ARHGAP10: variants seen among roughly 807,000 people sequenced by gnomAD.
The protein encoded by ARHGAP10 is rho GTPase-activating protein 10.
A neutral mutation model predicts 108.6 loss-of-function variants in ARHGAP10; 87 were observed. The ratio of observed to expected loss-of-function variants is 0.80; its 90% CI spans 0.67 to 0.96. The LOEUF (loss-of-function observed/expected upper bound fraction) is 0.96. Among genes scored for constraint, ARHGAP10 ranks in the 40% least tolerant of loss-of-function variants. The pLI is 0.00. For missense variants in ARHGAP10, 939 were observed against 954.5 expected, an observed-to-expected ratio of 0.98 and a Z score of 0.21; for synonymous variants, 347 against 341.1, an observed-to-expected ratio of 1.02 and a Z score of -0.19.
At chr4:147,822,183 A>G (rs779796124) in intron 1 of ARHGAP10, among the ~76,000 whole-genome samples, 8 of 152,230 alleles carry the variant, frequency 5.3e-5, no homozygotes, top group Non-Finnish European at 8.8e-5. Flanking sequence ...CTTGGCCTTC[A>G]GTTACTTCTC....
In ARHGAP10 at chr4:147,872,481, G is replaced by T. The variant is rs373590665; in HGVS notation, c.703-2540G>T. On this transcript the variant is annotated intron_variant, in intron 7 of 22. Transcript: ENST00000336498. ...AGTGATTGTGTGTTTATATAAACACGTGTGCTCTGTGTATACAGTTGACCC... is the reference window on the plus strand; with the variant it reads ...AGTGATTGTGTGTTTATATAAACACTTGTGCTCTGTGTATACAGTTGACCC... Among the ~76,000 whole-genome samples the T allele has an allele frequency of 7.5e-4, 114 of 152,330 alleles. No homozygotes were observed. The South Asian group carries it at 8.1e-3, about 11-fold the overall frequency.
intron 19 of ARHGAP10, among the ~76,000 whole-genome samples, chr4:148,041,975 C>T (rs1728651834): frequency 6.6e-6 from 1 of 152,190 alleles, no homozygotes; most frequent in East Asian, 1.9e-4. Context: ...CTTCAACTCT[C>T]TGTGCGTGAC....
chr4:147,971,465 T>C (rs544047027), intron 18 of ARHGAP10, among the ~76,000 whole-genome samples: 15 of 152,276 alleles, frequency 9.9e-5, no homozygotes, highest in African/African-American at 3.6e-4. Flanking sequence ...AGCGAGAAAG[T>C]GGCGGAGACT....
intron 19 of ARHGAP10, among the ~76,000 whole-genome samples, chr4:148,024,457 AG>A (rs1460293398): frequency 4.6e-5 from 7 of 152,214 alleles, no homozygotes; most frequent in Non-Finnish European, 1.0e-4. Context: ...GTTAATATCC[AG>A]AGATCCACGC....
intron 3 of ARHGAP10, among the ~76,000 whole-genome samples, chr4:147,842,182 G>A (rs560315834): frequency 2.6e-5 from 4 of 152,152 alleles, no homozygotes; most frequent in African/African-American, 9.6e-5. Context: ...TGATCCACCC[G>A]CCTCGGCCTC....
intron 20 of ARHGAP10, among the ~76,000 whole-genome samples, chr4:148,060,331 G>A (rs1039267849): frequency 3.4e-5 from 5 of 147,766 alleles, no homozygotes; most frequent in Admixed American, 1.4e-4. Flanking sequence ...GTTACATAAC[G>A]AAGCTCATGT....
rs764247558 is a variant in ARHGAP10, at chr4:147,909,792, AT to A, written c.1162+16del. The A allele has an allele frequency of 1.3e-5, 21 of 1,597,972 alleles. No individual in the cohort carries two copies. The highest frequency in any genetic ancestry group is 1.6e-5 in the Non-Finnish European group (19 of 1,165,546). On this transcript the variant is annotated intron_variant, in intron 12 of 22. Coordinates refer to ENST00000336498, the MANE Select transcript of ARHGAP10 (RefSeq NM_024605.4). ...ACCAGAAGGAAGTAAGTGCTCATTT[AT>A]AAAAATGATTGTATCCTCCTTTTCC...
At chr4:147,950,073 G>A (rs1738537313) in intron 15 of ARHGAP10, among the ~76,000 whole-genome samples, 1 of 152,050 alleles carries the variant, frequency 6.6e-6, no homozygotes, top group African/African-American at 2.4e-5. Flanking sequence ...CCTACAGAAC[G>A]ACATTATGAA....
intron 3 of ARHGAP10, among the ~76,000 whole-genome samples, chr4:147,829,850 TA>T (rs1346973846): frequency 6.6e-6 from 1 of 152,222 alleles, no homozygotes; most frequent in Non-Finnish European, 1.5e-5. Context: ...ATCCCTAGCC[TA>T]AAATGGTTGC....
At chr4:147,741,726 A>T (rs1299225872) in intron 1 of ARHGAP10, among the ~76,000 whole-genome samples, 1 of 151,442 alleles carries the variant, frequency 6.6e-6, no homozygotes, top group Non-Finnish European at 1.5e-5. Flanking sequence ...AACACCAGAC[A>T]CTTTACATTC....
chr4:147,943,250 C>T (rs1216235168), intron 14 of ARHGAP10, among the ~76,000 whole-genome samples: 1 of 152,088 alleles, frequency 6.6e-6, no homozygotes, highest in East Asian at 1.9e-4. Flanking sequence ...GTGGTTAATT[C>T]TAAATCTGAT....
chr4:147,739,902 A>T (rs1372472520), intron 1 of ARHGAP10, among the ~76,000 whole-genome samples: 1 of 150,708 alleles, frequency 6.6e-6, no homozygotes, highest in Non-Finnish European at 1.5e-5. Context: ...CACCCGGCTA[A>T]TTTTTGTATT....
At chr4:148,010,840 T>C (rs1442154427) in intron 18 of ARHGAP10, among the ~76,000 whole-genome samples, 3 of 152,246 alleles carry the variant, frequency 2.0e-5, no homozygotes, top group African/African-American at 7.2e-5. Flanking sequence ...GATGTACTGC[T>C]CTAATGGTAG....
At chr4:147,955,502 A>G in intron 16 of ARHGAP10, 128 bp downstream of exon 16, 2 of 758,458 alleles carry the variant, frequency 2.6e-6, no homozygotes, top group Non-Finnish European at 4.4e-6. Context: ...GCTTTAAATG[A>G]TGTTTGGTGC....
At chr4:147,927,018 A>G (rs1011455363) in intron 13 of ARHGAP10, among the ~76,000 whole-genome samples, 7 of 152,218 alleles carry the variant, frequency 4.6e-5, no homozygotes, top group East Asian at 1.9e-4. Flanking sequence ...TGATTTGTCT[A>G]AGTCTCAGAG....
intron 1 of ARHGAP10, among the ~76,000 whole-genome samples, chr4:147,740,406 T>A (rs893483977): frequency 2.0e-5 from 3 of 152,164 alleles, no homozygotes; most frequent in Admixed American, 6.5e-5. Flanking sequence ...TAATGAGCTG[T>A]CTCTGTAAAG....
At chr4:148,038,530 C>T (rs576984360) in intron 19 of ARHGAP10, among the ~76,000 whole-genome samples, 23 of 152,214 alleles carry the variant, frequency 1.5e-4, no homozygotes, top group Non-Finnish European at 3.4e-4. Flanking sequence ...TCCTCCCCTA[C>T]CTCCTGAACC....
At chr4:147,946,735 A>G in intron 15 of ARHGAP10, 31 bp downstream of exon 15, 1 of 1,521,776 alleles carries the variant, frequency 6.6e-7, no homozygotes, top group Non-Finnish European at 8.9e-7. Flanking sequence ...AGAAAGAAGA[A>G]TGGACTATTT....
intron 11 of ARHGAP10, among the ~76,000 whole-genome samples, chr4:147,907,293 A>G (rs923462077): frequency 9.8e-5 from 15 of 152,316 alleles, no homozygotes; most frequent in Admixed American, 5.9e-4. Flanking sequence ...TTGAAACACT[A>G]CTTTCATTTT....
Sources: gnomAD v4.1 joint callset for allele counts (sites outside exome capture counted in the v4.1 genomes callset) on GRCh38, gnomAD v4.1.1 for gene constraint, MANE v1.5 for transcripts, NCBI Gene and HGNC (gene_info 2026-07-23, HGNC 2026-07-21) for gene names.